BICD1: variants seen among roughly 807,000 people sequenced by gnomAD.
BICD1 encodes the protein BICD cargo adaptor 1, also known as protein bicaudal D homolog 1.
In BICD1, 35 loss-of-function variants were observed where a neutral mutation model predicts 92.5. The ratio of observed to expected loss-of-function variants is 0.38; its 90% CI spans 0.29 to 0.50. BICD1 has a LOEUF of 0.50. BICD1 is among the 20% of genes least tolerant of loss of function. The pLI, the probability that BICD1 is intolerant of heterozygous loss-of-function variation, is 0.93. For missense variants in BICD1, 950 were observed against 1,189.8 expected (o/e 0.80, Z 2.97); for synonymous variants, 429 against 465.1 (o/e 0.92, Z 1.00).
Position 32,207,761 on chromosome 12 carries a change from C to T in BICD1, c.214-8486C>T, listed in dbSNP as rs1321431673. The stretch of plus-strand genomic sequence containing the variant: ...AGCTGCAACCTTTGCTAATATAAAC[C>T]GTAAGAGCCTATGCCTCTTGAAATT... On this transcript the variant is annotated intron_variant, in intron 1 of 9. Coordinates refer to ENST00000652176, the MANE Select transcript of BICD1 (RefSeq NM_001714.4). Among the ~76,000 whole-genome samples the T allele has an allele frequency of 5.3e-5, 8 of 152,214 alleles. No individual in the cohort carries two copies. The East Asian group carries it at 7.7e-4, about 15-fold the overall frequency.
intron 1 of BICD1, among the ~76,000 whole-genome samples, chr12:32,110,893 C>T (rs1176054874): frequency 1.3e-5 from 2 of 150,870 alleles, no homozygotes; most frequent in Admixed American, 6.6e-5. Context: ...TGCTAAATGA[C>T]GAGTTAATGG....
intron 2 of BICD1, among the ~76,000 whole-genome samples, chr12:32,266,851 C>CT (rs995419825): frequency 2.6e-5 from 3 of 115,104 alleles, no homozygotes; most frequent in African/African-American, 1.1e-4. Flanking sequence ...GAATGAGACT[C>CT]TGTCTCAAAA....
chr12:32,380,216 T>C lies in BICD1; in HGVS notation c.*2589T>C, dbSNP rs1940132782. ...TACACTGTGGCATCATTTAGTATAG[T>C]TTACACTGAGCCATATTTATTTATA... On this transcript the variant is annotated 3_prime_UTR_variant, in exon 10 of 10. Transcript: ENST00000652176. 1 of 152,120 alleles carries C rather than the reference T, an allele frequency of 6.6e-6. No individual in the cohort carries two copies. The highest frequency in any genetic ancestry group is 1.5e-5 in the Non-Finnish European group (1 of 68,020). 9.4% of individuals were successfully genotyped at this position (152,120 alleles called of 1,614,324 possible). A position where few individuals can be genotyped will look rare whatever the true frequency, so the allele number is the denominator to read the frequency against.
chr12:32,351,637 G>T (rs1010906111), intron 8 of BICD1, among the ~76,000 whole-genome samples: 4 of 152,118 alleles, frequency 2.6e-5, no homozygotes, highest in Non-Finnish European at 4.4e-5. Flanking sequence ...AGGTGTGGTG[G>T]CTTATGTCTG....
chr12:32,156,945 CACACATACATTTTATA>C (rs1943456159), intron 1 of BICD1, among the ~76,000 whole-genome samples: 1 of 152,120 alleles, frequency 6.6e-6, no homozygotes, highest in Non-Finnish European at 1.5e-5. Flanking sequence ...ATATGTATAA[CACACATACATTTTATA>C]ACACATACAT....
intron 1 of BICD1, among the ~76,000 whole-genome samples, chr12:32,174,920 G>A (rs570089517): frequency 6.6e-6 from 1 of 152,172 alleles, no homozygotes; most frequent in South Asian, 2.1e-4. Flanking sequence ...CCTTCTTTTA[G>A]TATTTTAAAT....
At chr12:32,230,564 G>T (rs1370828411) in intron 2 of BICD1, among the ~76,000 whole-genome samples, 1 of 151,584 alleles carries the variant, frequency 6.6e-6, no homozygotes, top group Non-Finnish European at 1.5e-5. Context: ...GAAATGAAGG[G>T]GAATGAGTTG....
At position 32,184,083 on chromosome 12, in the gene BICD1, G is replaced by A. The variant is rs568407941; in HGVS notation, c.214-32164G>A. Among the ~76,000 whole-genome samples the A allele has an allele frequency of 1.7e-4, 26 of 152,238 alleles. No homozygotes were observed. In the East Asian group the frequency reaches 4.4e-3, roughly 26 times the overall value. On this transcript the variant is annotated intron_variant, in intron 1 of 9. Transcript: ENST00000652176. ...ATCCCTATTGCAGCCATTAGAGTCC[G>A]GCGTGGCAGTGGTCAGGACTGTTGA...
intron 4 of BICD1, among the ~76,000 whole-genome samples, chr12:32,321,325 C>CA (rs553020074): frequency 6.6e-6 from 1 of 150,978 alleles, no homozygotes; most frequent in East Asian, 1.9e-4. Context: ...GACTCTGTCT[C>CA]AAAATAAATA....
At chr12:32,283,300 G>A (rs1947469552) in intron 2 of BICD1, among the ~76,000 whole-genome samples, 1 of 151,700 alleles carries the variant, frequency 6.6e-6, no homozygotes, top group African/African-American at 2.4e-5. Flanking sequence ...ACCAAATTTA[G>A]TTAATACCGA....
rs907706694 is a variant in BICD1, at chr12:32,305,782, G to A, written c.665G>A (p.Arg222Gln). ...LLNSQLEDAIRLKEIAEHQLE... is the reference protein window; with the variant it reads ...LLNSQLEDAIQLKEIAEHQLE... ...AACAGCCAGCTGGAAGATGCCATCCGATTGAAAGAGATTGCTGAGCACCAA... is the reference window on the plus strand; with the variant it reads ...AACAGCCAGCTGGAAGATGCCATCCAATTGAAAGAGATTGCTGAGCACCAA... Residue 222 changes from arginine to glutamine, a missense_variant, in exon 4 of 10, where the codon CGA becomes CAA. Physicochemically the swap from Arg to Gln is conservative, Grantham distance 43. Coordinates refer to ENST00000652176, the MANE Select transcript of BICD1 (RefSeq NM_001714.4). 1 of 1,614,180 alleles carries A rather than the reference G, an allele frequency of 6.2e-7. No individual in the cohort carries two copies. Among genetic ancestry groups the A allele is most frequent in the South Asian group, 1.1e-5 (1 of 91,076 alleles).
chr12:32,223,854 T>C (rs1945607987), intron 2 of BICD1, among the ~76,000 whole-genome samples: 1 of 152,146 alleles, frequency 6.6e-6, no homozygotes. Flanking sequence ...TGTCAGGGAA[T>C]AGGAAGGCCC....
At chr12:32,219,147 A>G (rs1297707808) in intron 2 of BICD1, among the ~76,000 whole-genome samples, 1 of 152,220 alleles carries the variant, frequency 6.6e-6, no homozygotes, top group Non-Finnish European at 1.5e-5. Context: ...CCCAAAATAT[A>G]GTAAATGATC....
At chr12:32,317,218 A>G (rs1203549164) in intron 4 of BICD1, among the ~76,000 whole-genome samples, 2 of 152,184 alleles carry the variant, frequency 1.3e-5, no homozygotes, top group Non-Finnish European at 2.9e-5. Context: ...TTGGGTATAT[A>G]CCCAGTAATG....
intron 3 of BICD1, among the ~76,000 whole-genome samples, chr12:32,301,953 C>A (rs1483405075): frequency 6.6e-6 from 1 of 152,148 alleles, no homozygotes; most frequent in Non-Finnish European, 1.5e-5. Context: ...GTGGCGCGAT[C>A]TCGGCTCACT....
rs1314051408 is a variant in BICD1, at chr12:32,166,141, T to TATTTATTTTTA, written c.214-50096_214-50095insAATTTATTTTT. ...TTATTTATTTATTTATTTATTTATTTATTTATTTTTTGGAGCCAGCGTTTC... is the reference window on the plus strand; with the variant it reads ...TTATTTATTTATTTATTTATTTATTTATTTATTTTTAATTTATTTTTTGGAGCCAGCGTTTC... On this transcript the variant is annotated intron_variant, in intron 1 of 9. Transcript: ENST00000652176. Among the ~76,000 whole-genome samples, 8 of 149,494 alleles carry TATTTATTTTTA rather than the reference T, an allele frequency of 5.4e-5. No homozygotes were observed. In the East Asian group the frequency reaches 1.3e-3, roughly 24 times the overall value.
chr12:32,339,144 C>T (rs1045174819), intron 8 of BICD1, 165 bp downstream of exon 8: 1 of 1,341,376 alleles, frequency 7.5e-7, no homozygotes, highest in Non-Finnish European at 9.5e-7. Flanking sequence ...TTCCCATTTC[C>T]TCCTTCACTC....
intron 2 of BICD1, among the ~76,000 whole-genome samples, chr12:32,259,167 G>A (rs1374364366): frequency 2.0e-5 from 3 of 152,098 alleles, no homozygotes; most frequent in East Asian, 3.8e-4. Context: ...TATACCCGCC[G>A]TTATTCCTTG....
At chr12:32,147,303 G>A (rs562305384) in intron 1 of BICD1, among the ~76,000 whole-genome samples, 2 of 152,308 alleles carry the variant, frequency 1.3e-5, no homozygotes, top group South Asian at 4.1e-4. Flanking sequence ...CTGGAAAGCA[G>A]CTAGATTGAG....
Sources: gnomAD v4.1 joint callset for allele counts (sites outside exome capture counted in the v4.1 genomes callset) on GRCh38, gnomAD v4.1.1 for gene constraint, MANE v1.5 for transcripts, NCBI Gene and HGNC (gene_info 2026-07-23, HGNC 2026-07-21) for gene names.